Variants in FAF1 observed in about 807,000 individuals in gnomAD.
FAF1 encodes Fas associated factor 1, also known as FAS-associated factor 1.
In FAF1, 25 loss-of-function variants were observed where a neutral mutation model predicts 92.5. That is an observed-to-expected ratio of 0.27 (90% CI 0.20 to 0.38). The LOEUF (loss-of-function observed/expected upper bound fraction) is 0.38, where lower values mean the gene tolerates loss of function less well. Ranked by LOEUF, FAF1 falls within the 10% of genes least tolerant of loss-of-function variation. FAF1 has a pLI of 1.00. For missense variants in FAF1, 636 were observed against 793.3 expected (o/e 0.80, Z 2.38); for synonymous variants, 234 against 273.2 (o/e 0.86, Z 1.42).
chr1:50,590,454 G>T (rs184415514), intron 9 of FAF1, among the ~76,000 whole-genome samples: 2 of 152,144 alleles, frequency 1.3e-5, no homozygotes, highest in Admixed American at 1.3e-4. Flanking sequence ...TTGACTGTTG[G>T]TTTATAGAAA....
chr1:50,829,054 AAAAC>A (rs1191345665), intron 2 of FAF1, among the ~76,000 whole-genome samples: 1 of 152,242 alleles, frequency 6.6e-6, no homozygotes, highest in Non-Finnish European at 1.5e-5. Flanking sequence ...AGTATAATTT[AAAAC>A]CACAATGAAA....
At chr1:50,923,880 T>C (rs1324458219) in intron 1 of FAF1, among the ~76,000 whole-genome samples, 2 of 152,196 alleles carry the variant, frequency 1.3e-5, no homozygotes, top group Non-Finnish European at 2.9e-5. Flanking sequence ...TCAACATCCA[T>C]TTCTGATAAA....
chr1:50,692,240 A>ACT (rs1444485142), intron 7 of FAF1, among the ~76,000 whole-genome samples: 225 of 66,968 alleles, frequency 3.4e-3, no homozygotes, highest in African/African-American at 0.013. Flanking sequence ...TGAAGTATTT[A>ACT]CTGTGTGTGT....
At chr1:50,874,758 CTTTTTTTTTTTTTTTTT>C (rs755424291) in intron 1 of FAF1, among the ~76,000 whole-genome samples, 4 of 67,226 alleles carry the variant, frequency 6.0e-5, no homozygotes, top group East Asian at 4.0e-4. Context: ...TCTTTTCTTT[CTTTTTTTTTTTTTTTTT>C]TTTTTTTTTT....
chr1:50,849,405 G>A (rs1644329700), intron 2 of FAF1, among the ~76,000 whole-genome samples: 1 of 152,110 alleles, frequency 6.6e-6, no homozygotes, highest in Non-Finnish European at 1.5e-5. Context: ...TTTTTCTGTA[G>A]TTCCTTTACA....
At chr1:50,586,372 C>T (rs1312627138) in intron 9 of FAF1, among the ~76,000 whole-genome samples, 2 of 152,020 alleles carry the variant, frequency 1.3e-5, no homozygotes, top group Non-Finnish European at 2.9e-5. Flanking sequence ...TTTAAAACTG[C>T]TCATCTAGTG....
chr1:50,596,046 TAA>T (rs113664530), intron 9 of FAF1, 73 bp downstream of exon 9: 3 of 898,822 alleles, frequency 3.3e-6, no homozygotes, highest in East Asian at 2.5e-5. Context: ...CTCTGGCAGA[TAA>T]AAAAAAAGGG....
intron 4 of FAF1, among the ~76,000 whole-genome samples, chr1:50,761,514 G>A (rs1660326569): frequency 6.6e-6 from 1 of 151,960 alleles, no homozygotes; most frequent in South Asian, 2.1e-4. Context: ...TTCATCCCTG[G>A]GATGCAAGGC....
At chr1:50,881,194 C>A (rs982869155) in intron 1 of FAF1, among the ~76,000 whole-genome samples, 15 of 152,242 alleles carry the variant, frequency 9.9e-5, no homozygotes, top group African/African-American at 3.4e-4. Flanking sequence ...AAATCCTAGG[C>A]CCCATTCCCA....
chr1:50,784,725 A>G (rs1661299816), intron 4 of FAF1, among the ~76,000 whole-genome samples: 1 of 152,196 alleles, frequency 6.6e-6, no homozygotes, highest in African/African-American at 2.4e-5. Flanking sequence ...TCCAAACACA[A>G]TTGTGAGAAA....
chr1:50,716,746 A>C (rs1005759947), intron 6 of FAF1, among the ~76,000 whole-genome samples: 1 of 152,204 alleles, frequency 6.6e-6, no homozygotes, highest in South Asian at 2.1e-4. Context: ...GCGTAGCTAA[A>C]GGACTGTAAA....
intron 18 of FAF1, chr1:50,471,089 G>T (rs906024951): frequency 6.6e-6 from 1 of 152,162 alleles, no homozygotes; most frequent in Non-Finnish European, 1.5e-5. Flanking sequence ...AAACAAGAGC[G>T]GTTGCACAGC....
chr1:50,942,291 G>A (rs540538526), intron 1 of FAF1, among the ~76,000 whole-genome samples: 10 of 152,254 alleles, frequency 6.6e-5, no homozygotes, highest in South Asian at 4.1e-4. Context: ...GCTTGAGCCC[G>A]GGAGTTTGAG....
At chr1:50,662,775 G>C (rs899784288) in intron 7 of FAF1, among the ~76,000 whole-genome samples, 1 of 129,070 alleles carries the variant, frequency 7.7e-6, no homozygotes, top group South Asian at 2.4e-4. Flanking sequence ...TTGGCTCACT[G>C]CTGCTAGCGC....
chr1:50,651,522 G>T (rs940638797), intron 8 of FAF1, among the ~76,000 whole-genome samples: 2 of 152,062 alleles, frequency 1.3e-5, no homozygotes, highest in Non-Finnish European at 2.9e-5. Flanking sequence ...CTTCAACTGA[G>T]CAATAAAAGT....
intron 1 of FAF1, among the ~76,000 whole-genome samples, chr1:50,942,747 G>GT (rs528629170): frequency 0.034 from 4,714 of 140,036 alleles, 160 homozygotes; most frequent in African/African-American, 0.095. Flanking sequence ...AGTTGTCGTT[G>GT]TTTTTTTTTT....
At chr1:50,470,704 C>G (rs1342137431) in intron 18 of FAF1, 1 of 152,192 alleles carries the variant, frequency 6.6e-6, no homozygotes, top group Non-Finnish European at 1.5e-5. Context: ...TACCACAACC[C>G]TGTCAGATAT....
At chr1:50,876,670 C>G (rs1440188654) in intron 1 of FAF1, among the ~76,000 whole-genome samples, 1 of 152,192 alleles carries the variant, frequency 6.6e-6, no homozygotes, top group Non-Finnish European at 1.5e-5. Flanking sequence ...ACAGCAACCT[C>G]CGCCTCCCAG....
At chr1:50,665,853 A>ACATATGTATGCATAC (rs1428195696) in intron 7 of FAF1, among the ~76,000 whole-genome samples, 1 of 152,186 alleles carries the variant, frequency 6.6e-6, no homozygotes, top group African/African-American at 2.4e-5. Context: ...AAGTATAGGT[A>ACATATGTATGCATAC]CATATGTATG....
Sources: allele counts gnomAD v4.1 joint callset (sites outside exome capture counted in the v4.1 genomes callset), GRCh38; gene constraint gnomAD v4.1.1; transcripts MANE v1.5; gene names NCBI Gene and HGNC (gene_info 2026-07-23, HGNC 2026-07-21).